Variants in IL6R observed in about 807,000 individuals in gnomAD.
IL6R encodes the protein interleukin-6 receptor subunit alpha.
A neutral mutation model predicts 48.3 loss-of-function variants in IL6R; 38 were observed. That is an observed-to-expected ratio of 0.79 (90% CI 0.61 to 1.03). The LOEUF (loss-of-function observed/expected upper bound fraction) is 1.03, where lower values mean the gene tolerates loss of function less well. IL6R is among the 50% of genes least tolerant of loss of function. IL6R has a pLI of 0.00. For synonymous variants in IL6R, 264 were observed against 256.2 expected, an observed-to-expected ratio of 1.03 and a Z score of -0.29; for missense variants, 534 against 618.3, an observed-to-expected ratio of 0.86 and a Z score of 1.45.
intron 9 of IL6R, among the ~76,000 whole-genome samples, chr1:154,464,557 G>C (rs1302917963): frequency 2.6e-5 from 4 of 152,122 alleles, no homozygotes; most frequent in Non-Finnish European, 5.9e-5. Flanking sequence ...TGACTTTTTG[G>C]TGCCTCAGTT....
chr1:154,454,549 C>A lies in IL6R; in HGVS notation c.1128C>A (p.Phe376Leu), dbSNP rs751402081. 2 of 1,613,742 alleles carry A rather than the reference C, an allele frequency of 1.2e-6. No individual in the cohort carries two copies. The highest frequency in any genetic ancestry group is 1.7e-6 in the Non-Finnish European group (2 of 1,179,686). The change falls in exon 9 of 10, where the codon TTC becomes TTA. Residue 376 changes from phenylalanine to leucine, a missense_variant. Phe to Leu is a conservative substitution (Grantham distance 22, BLOSUM62 0). Coordinates refer to ENST00000368485, the MANE Select transcript of IL6R (RefSeq NM_000565.4). ...TFLVAGGSLAFGTLLCIAIVL... is the reference protein window; with the variant it reads ...TFLVAGGSLALGTLLCIAIVL... ...TGGTTGCTGGAGGGAGCCTGGCCTT[C>A]GGAACGCTCCTCTGCATTGCCATTG...
chr1:154,408,192 G>A (rs1687837228), intron 1 of IL6R, among the ~76,000 whole-genome samples: 1 of 152,106 alleles, frequency 6.6e-6, no homozygotes, highest in South Asian at 2.1e-4. Context: ...TAAACAAACT[G>A]CCCCTTGTGA....
At chr1:154,418,820 C>T (rs538202344) in intron 1 of IL6R, among the ~76,000 whole-genome samples, 9 of 152,236 alleles carry the variant, frequency 5.9e-5, no homozygotes, top group Middle Eastern at 3.4e-3. Context: ...GCCAAGGGCA[C>T]GACTCCTGGC....
chr1:154,423,260 AATAT>A lies in IL6R; in HGVS notation c.86-5915_86-5912del, dbSNP rs35079361. On this transcript the variant is annotated intron_variant, in intron 1 of 9. Coordinates refer to ENST00000368485, the MANE Select transcript of IL6R (RefSeq NM_000565.4). ...CCAGGCTATGTAGCTTGTTTAATTA[AATAT>A]ATATATATATATATATATATGTATT... Among the ~76,000 whole-genome samples the A allele has an allele frequency of 7.3e-3, 624 of 85,454 alleles. 24 individuals are homozygous for A. The highest frequency in any genetic ancestry group is 0.023 in the Middle Eastern group (4 of 172). The allele number at this position is 85,454 out of a possible 152,430, so 56.1% of individuals were successfully genotyped here.
chr1:154,422,679 C>T (rs1156754944), intron 1 of IL6R, among the ~76,000 whole-genome samples: 1 of 152,202 alleles, frequency 6.6e-6, no homozygotes, highest in Admixed American at 6.5e-5. Context: ...CGGACAAATG[C>T]TCCGTTGATT....
At position 154,430,583 on chromosome 1, in the gene IL6R, G is replaced by T; in HGVS notation, c.435G>T (p.Lys145Asn). The change falls in exon 3 of 10, where the codon AAG becomes AAT. Residue 145 changes from lysine to asparagine, a missense_variant. Transcript: ENST00000368485. ...GGAGCACCCCATCCCTGACGACAAA[G>T]GCTGTGCTCTTGGTGAGGAAGTTGT... is the stretch of plus-strand genomic sequence containing the variant. ...GPRSTPSLTT[K>N]AVLLVRKFQN... 2 of 1,614,214 alleles carry T rather than the reference G, an allele frequency of 1.2e-6. No homozygotes were observed. Among genetic ancestry groups the T allele is most frequent in the African/African-American group, 2.7e-5 (2 of 75,044 alleles).
chr1:154,415,285 T>G, intron 1 of IL6R: 2 of 545,452 alleles, frequency 3.7e-6, no homozygotes, highest in South Asian at 4.0e-5. Context: ...TTTAAATATT[T>G]GATCCATTTT....
chr1:154,433,515 G>C (rs1221652749), intron 3 of IL6R, among the ~76,000 whole-genome samples: 1 of 152,100 alleles, frequency 6.6e-6, no homozygotes, highest in Non-Finnish European at 1.5e-5. Flanking sequence ...TTGAAGGCAG[G>C]GTGGGGCCTC....
intron 9 of IL6R, among the ~76,000 whole-genome samples, chr1:154,458,770 G>A (rs1691067920): frequency 6.6e-6 from 1 of 151,986 alleles, no homozygotes; most frequent in Admixed American, 6.6e-5. Flanking sequence ...GCATGGTGGT[G>A]CACACCTGTA....
chr1:154,420,876 T>C (rs879713340), intron 1 of IL6R, among the ~76,000 whole-genome samples: 3 of 152,188 alleles, frequency 2.0e-5, no homozygotes, highest in African/African-American at 7.2e-5. Flanking sequence ...AGGCAGACTG[T>C]ACGTTTGTGT....
In IL6R at chr1:154,410,835, C is replaced by T. The variant is rs899060202; in HGVS notation, c.85+5121C>T. ...CCACTCCACTTCCCAACCGCTTTCC[C>T]GAAAAGCATCCTTTGGTCTTCCCTC... On this transcript the variant is annotated intron_variant, in intron 1 of 9. Coordinates refer to ENST00000368485, the MANE Select transcript of IL6R (RefSeq NM_000565.4). Among the ~76,000 whole-genome samples the T allele has an allele frequency of 1.2e-4, 18 of 152,178 alleles. 1 individual carries two copies. Among genetic ancestry groups the T allele is most frequent in the Admixed American group, 9.8e-4 (15 of 15,272 alleles).
At chr1:154,465,109 T>C in intron 9 of IL6R, 25 bp from the exon 10 acceptor site, 1 of 1,613,214 alleles carries the variant, frequency 6.2e-7, no homozygotes, top group Non-Finnish European at 8.5e-7. Flanking sequence ...ATCTGTGTGG[T>C]TTGTCTTTGT....
rs114932585 is a variant in IL6R at position 154,420,106 on chromosome 1, C to A, written c.86-9090C>A. Among the ~76,000 whole-genome samples, 211 of 152,182 alleles carry A rather than the reference C, an allele frequency of 1.4e-3. 1 individual carries two copies. The highest frequency in any genetic ancestry group is 2.4e-3 in the Non-Finnish European group (161 of 68,004). ...GGCAAGGGAGGTTGTGGGAATTTTC[C>A]CTCCCCTAGAGCTCTCCAGGGAGAA... On this transcript the variant is annotated intron_variant, in intron 1 of 9. Coordinates refer to ENST00000368485, the MANE Select transcript of IL6R (RefSeq NM_000565.4).
At chr1:154,445,578 G>A (rs558543251) in intron 6 of IL6R, among the ~76,000 whole-genome samples, 63 of 152,112 alleles carry the variant, frequency 4.1e-4, no homozygotes, top group African/African-American at 1.5e-3. Context: ...GTGAAACCCC[G>A]TCTCTACTAA....
At chr1:154,414,227 A>G in intron 1 of IL6R, 1 of 464,250 alleles carries the variant, frequency 2.2e-6, no homozygotes, top group Non-Finnish European at 3.8e-6. Context: ...TGTCATACTT[A>G]ATAACATCCT....
chr1:154,453,182 G>A (rs1690681382), intron 8 of IL6R, among the ~76,000 whole-genome samples: 1 of 152,186 alleles, frequency 6.6e-6, no homozygotes, highest in South Asian at 2.1e-4. Context: ...TCCAGCCTGG[G>A]TGACAAGAGC....
At chr1:154,437,482 C>G (rs993056605) in intron 6 of IL6R, 9 of 447,172 alleles carry the variant, frequency 2.0e-5, no homozygotes, top group Non-Finnish European at 4.1e-5. Flanking sequence ...AGTGCAATCA[C>G]AGCTCACGGC....
chr1:154,412,017 A>C (rs187261287), intron 1 of IL6R, among the ~76,000 whole-genome samples: 1 of 141,916 alleles, frequency 7.0e-6, no homozygotes, highest in Non-Finnish European at 1.5e-5. Flanking sequence ...GCGCGATCTC[A>C]GCTCACTGCA....
intron 1 of IL6R, among the ~76,000 whole-genome samples, chr1:154,426,494 C>T (rs979882904): frequency 2.0e-5 from 3 of 149,090 alleles, no homozygotes; most frequent in Non-Finnish European, 3.0e-5. Context: ...GCACTCCAGC[C>T]TGGGTGATAG....
Sources: allele counts gnomAD v4.1 joint callset (sites outside exome capture counted in the v4.1 genomes callset), GRCh38; gene constraint gnomAD v4.1.1; transcripts MANE v1.5; gene names NCBI Gene and HGNC (gene_info 2026-07-23, HGNC 2026-07-21).